The following ITPK1 variants were observed in gnomAD, a reference collection of about 807,000 sequenced individuals.
ITPK1 encodes the protein inositol 1,3,4-trisphosphate 5/6-kinase.
In ITPK1, 21 loss-of-function variants were observed where a neutral mutation model predicts 45.3. That is an observed-to-expected ratio of 0.46 (90% CI 0.33 to 0.67). ITPK1 has a LOEUF of 0.67. Ranked by LOEUF, ITPK1 falls within the 30% of genes least tolerant of loss-of-function variation. The pLI is 0.02. For synonymous variants in ITPK1, 258 were observed against 253.6 expected, an observed-to-expected ratio of 1.02 and a Z score of -0.16; for missense variants, 474 against 573.5, an observed-to-expected ratio of 0.83 and a Z score of 1.77.
chr14:93,089,591 A>C (rs1891787850), intron 2 of ITPK1, among the ~76,000 whole-genome samples: 1 of 152,132 alleles, frequency 6.6e-6, no homozygotes, highest in Non-Finnish European at 1.5e-5. Flanking sequence ...CCACCTCTAA[A>C]GGGTTCCACC....
intron 3 of ITPK1, among the ~76,000 whole-genome samples, chr14:93,052,778 T>C (rs1890069156): frequency 6.6e-6 from 1 of 152,066 alleles, no homozygotes; most frequent in African/African-American, 2.4e-5. Context: ...CATCCCAGGG[T>C]TCAGTCCCTC....
intron 2 of ITPK1, among the ~76,000 whole-genome samples, chr14:93,079,647 C>T (rs750368594): frequency 6.6e-6 from 1 of 152,170 alleles, no homozygotes; most frequent in Non-Finnish European, 1.5e-5. Context: ...CACAGCCTCT[C>T]GGGAAAATAA....
rs1206008541 is a variant in ITPK1, at chr14:93,032,737, A to G, written c.121-15936T>C. The stretch of plus-strand genomic sequence containing the variant: ...CCGATTAGCCTCATCTAGAAGGCAC[A>G]TGTCCACCCAGCTCTGGCTGTGACC... On this transcript the variant is annotated intron_variant, in intron 3 of 10. Transcript: ENST00000267615. This position sits in a 1 kb window ranked among gnomAD's most constrained non-coding sequence, Gnocchi z 4.0. Among the ~76,000 whole-genome samples the G allele has an allele frequency of 1.3e-5, 2 of 152,200 alleles. No individual in the cohort carries two copies. Among genetic ancestry groups the G allele is most frequent in the Non-Finnish European group, 2.9e-5 (2 of 68,028 alleles).
chr14:93,013,086 G>C (rs1056555957), intron 4 of ITPK1, among the ~76,000 whole-genome samples: 7 of 152,186 alleles, frequency 4.6e-5, no homozygotes, highest in Non-Finnish European at 8.8e-5. Context: ...GGACCCTCTC[G>C]GCATGCCGGC....
intron 2 of ITPK1, among the ~76,000 whole-genome samples, chr14:93,103,018 T>C (rs1228518513): frequency 2.9e-5 from 4 of 137,836 alleles, no homozygotes; most frequent in African/African-American, 1.1e-4. Context: ...AAGAATGGCA[T>C]GAACCTGGGA....
intron 1 of ITPK1, 26 bp from the exon 2 acceptor site, chr14:93,115,331 G>GGGCGC (rs1178184243): frequency 8.0e-4 from 226 of 280,810 alleles, no homozygotes; most frequent in African/African-American, 4.7e-3. Flanking sequence ...GAGCGGGGCG[G>GGGCGC]GGCGCGGCGG....
intron 5 of ITPK1, among the ~76,000 whole-genome samples, chr14:92,977,785 G>A (rs1012598504): frequency 2.0e-5 from 3 of 151,822 alleles, no homozygotes; most frequent in Admixed American, 6.6e-5. Context: ...CTGTGGAACC[G>A]GGAGTCAACT....
In ITPK1 at chr14:93,012,209, G is replaced by GA. The variant is rs1265081023; in HGVS notation, c.246+4466dup. ...ATGGGAACACCAGCTGCTGGGAGCAGACACAATCCCTGCCGCAGTGAAGGG... is the reference window on the plus strand; with the variant it reads ...ATGGGAACACCAGCTGCTGGGAGCAGAACACAATCCCTGCCGCAGTGAAGGG... On this transcript the variant is annotated intron_variant, in intron 4 of 10. Coordinates refer to ENST00000267615, the MANE Select transcript of ITPK1 (RefSeq NM_014216.6). The surrounding 1 kb of genome is among the most constrained non-coding windows in gnomAD (Gnocchi z 4.9). Among the ~76,000 whole-genome samples, 2 of 152,242 alleles carry GA rather than the reference G, an allele frequency of 1.3e-5. No homozygotes were observed. Among genetic ancestry groups the GA allele is most frequent in the African/African-American group, 4.8e-5 (2 of 41,462 alleles).
Position 92,959,501 on chromosome 14 carries a change from G to T in ITPK1, c.505-1135C>A, listed in dbSNP as rs980613616. On this transcript the variant is annotated intron_variant, in intron 7 of 10. Transcript: ENST00000267615. Reference sequence around the variant, plus strand: ...GTGTCTGTGCTGGGGGCGTTGGGGGGCAGTGAACATCTCCTCAGCCTTCTG... The same window carrying T: ...GTGTCTGTGCTGGGGGCGTTGGGGGTCAGTGAACATCTCCTCAGCCTTCTG... Among the ~76,000 whole-genome samples, 3 of 152,218 alleles carry T rather than the reference G, an allele frequency of 2.0e-5. No individual in the cohort carries two copies. The South Asian group carries it at 6.2e-4, about 32-fold the overall frequency.
intron 4 of ITPK1, among the ~76,000 whole-genome samples, chr14:93,007,688 C>T (rs1441092994): frequency 6.6e-6 from 1 of 152,176 alleles, no homozygotes; most frequent in Non-Finnish European, 1.5e-5. Context: ...ACAGATCCTG[C>T]TGCCAGGGGT....
At chr14:93,024,365 G>T (rs181884756) in intron 3 of ITPK1, among the ~76,000 whole-genome samples, 1 of 152,286 alleles carries the variant, frequency 6.6e-6, no homozygotes, top group East Asian at 1.9e-4. Context: ...CTGGGGAAGG[G>T]CACATCCCTC....
intron 5 of ITPK1, among the ~76,000 whole-genome samples, chr14:92,988,933 C>T (rs1327341393): frequency 2.0e-5 from 3 of 152,140 alleles, no homozygotes; most frequent in African/African-American, 7.2e-5. Context: ...CTCAGAGAGG[C>T]CACACAATTG....
chr14:93,066,803 C>T (rs760950727), intron 3 of ITPK1, among the ~76,000 whole-genome samples: 8 of 152,128 alleles, frequency 5.3e-5, no homozygotes, highest in Non-Finnish European at 1.0e-4. Context: ...TACTCAGGGA[C>T]GCTTCCTGGT....
chr14:92,957,400 C>G (rs1329898667), intron 8 of ITPK1, among the ~76,000 whole-genome samples: 1 of 152,240 alleles, frequency 6.6e-6, no homozygotes, highest in African/African-American at 2.4e-5. Context: ...TCAGAAGCCA[C>G]TAGAACATCC....
At chr14:93,086,752 C>T (rs1891666056) in intron 2 of ITPK1, among the ~76,000 whole-genome samples, 1 of 152,226 alleles carries the variant, frequency 6.6e-6, no homozygotes, top group African/African-American at 2.4e-5. Context: ...CTAGAGAAGG[C>T]CTGCTAAGCA....
At chr14:93,053,852 T>C (rs557409963) in intron 3 of ITPK1, among the ~76,000 whole-genome samples, 3 of 152,180 alleles carry the variant, frequency 2.0e-5, no homozygotes, top group Non-Finnish European at 4.4e-5. Context: ...GTGATTCCAG[T>C]AGTCTCTGGA....
rs1889339553 is a variant in ITPK1 at position 93,036,744 on chromosome 14, G to C, written c.121-19943C>G. ...TCTCCCACTCATCTCAATACCGCAG[G>C]GGAGGATGCAGCCCCCAGAACTTGG... On this transcript the variant is annotated intron_variant, in intron 3 of 10. Coordinates refer to ENST00000267615, the MANE Select transcript of ITPK1 (RefSeq NM_014216.6). This position sits in a 1 kb window ranked among gnomAD's most constrained non-coding sequence, Gnocchi z 4.1. The C allele has an allele frequency of 6.6e-6, 1 of 152,360 alleles. No individual in the cohort carries two copies. The highest frequency in any genetic ancestry group is 1.5e-5 in the Non-Finnish European group (1 of 68,192). 9.4% of individuals were successfully genotyped at this position (152,360 alleles called of 1,614,324 possible). A position where few individuals can be genotyped will look rare whatever the true frequency, so the allele number is the denominator to read the frequency against.
chr14:92,948,183 C>T (rs892327271), intron 9 of ITPK1, among the ~76,000 whole-genome samples: 2 of 151,796 alleles, frequency 1.3e-5, no homozygotes, highest in Admixed American at 6.6e-5. Flanking sequence ...CTGCCAATAA[C>T]ATGAGGTGGG....
Position 92,958,963 on chromosome 14 carries a change from T to C in ITPK1, c.505-597A>G, listed in dbSNP as rs1328214666. Among the ~76,000 whole-genome samples, 2 of 152,172 alleles carry C rather than the reference T, an allele frequency of 1.3e-5. No individual in the cohort carries two copies. Among genetic ancestry groups the C allele is most frequent in the African/African-American group, 2.4e-5 (1 of 41,436 alleles). ...GACGATGAGGCGCTGAGAGGTTCAG[T>C]GACTGCTGGACAGTGAGTGAGCCCG... On this transcript the variant is annotated intron_variant, in intron 7 of 10. Transcript: ENST00000267615. The surrounding 1 kb of genome is among the most constrained non-coding windows in gnomAD (Gnocchi z 4.4).
Sources: allele counts gnomAD v4.1 joint callset (sites outside exome capture counted in the v4.1 genomes callset), GRCh38; gene constraint gnomAD v4.1.1; non-coding constraint Gnocchi (gnomAD v3.1); transcripts MANE v1.5; gene names NCBI Gene and HGNC (gene_info 2026-07-23, HGNC 2026-07-21).